The following DSCAM variants were observed in gnomAD, a reference collection of about 807,000 sequenced individuals.
The protein encoded by DSCAM is DS cell adhesion molecule.
A neutral mutation model predicts 217.7 loss-of-function variants in DSCAM; 47 were observed. The observed-to-expected ratio is 0.22, with a 90% CI of 0.17 to 0.28. DSCAM has a LOEUF of 0.28. Among genes scored for constraint, DSCAM ranks in the 10% least tolerant of loss-of-function variants. The pLI is 1.00. For synonymous variants in DSCAM, 1,056 were observed against 1,015.3 expected (o/e 1.04, Z -0.76); for missense variants, 2,080 against 2,618.3 (o/e 0.79, Z 4.49).
intron 6 of DSCAM, among the ~76,000 whole-genome samples, chr21:40,342,477 T>G (rs2074503452): frequency 6.6e-6 from 1 of 151,646 alleles, no homozygotes; most frequent in South Asian, 2.1e-4. Context: ...TTATATTCAA[T>G]TCTATACGGA....
intron 11 of DSCAM, among the ~76,000 whole-genome samples, chr21:40,198,044 A>G (rs2091032724): frequency 6.6e-6 from 1 of 152,142 alleles, no homozygotes. Flanking sequence ...GAGTCCATTT[A>G]CAGGAGACTC....
intron 6 of DSCAM, among the ~76,000 whole-genome samples, chr21:40,345,614 C>T (rs1004219945): frequency 2.0e-5 from 3 of 152,086 alleles, no homozygotes; most frequent in African/African-American, 4.8e-5. Flanking sequence ...CTCAGATTCT[C>T]CATTGTATCT....
intron 1 of DSCAM, among the ~76,000 whole-genome samples, chr21:40,832,664 T>C (rs2092021430): frequency 6.6e-6 from 1 of 152,158 alleles, no homozygotes; most frequent in Non-Finnish European, 1.5e-5. Flanking sequence ...AAACTGCACA[T>C]ATTCTACATG....
chr21:40,193,143 A>G (rs2146838846), intron 11 of DSCAM, among the ~76,000 whole-genome samples: 1 of 152,280 alleles, frequency 6.6e-6, no homozygotes, highest in East Asian at 1.9e-4. Context: ...GAGTTCAACA[A>G]TTTAAGTTCA....
chr21:40,405,840 T>C (rs2075275463), intron 3 of DSCAM, among the ~76,000 whole-genome samples: 1 of 151,888 alleles, frequency 6.6e-6, no homozygotes, highest in Non-Finnish European at 1.5e-5. Context: ...CTACTAAAAA[T>C]ACAAAATTTA....
chr21:40,203,614 T>C (rs1358796017), intron 11 of DSCAM, among the ~76,000 whole-genome samples: 8 of 152,270 alleles, frequency 5.3e-5, no homozygotes, highest in Non-Finnish European at 2.9e-5. Context: ...ATTTATGTTC[T>C]GAATCATCTA....
At chr21:40,603,284 G>C (rs2077076231) in intron 3 of DSCAM, among the ~76,000 whole-genome samples, 1 of 152,078 alleles carries the variant, frequency 6.6e-6, no homozygotes, top group Admixed American at 6.5e-5. Context: ...AATTTGTAAA[G>C]AATGTGCATT....
At chr21:40,412,842 A>AGCCC (rs1188510828) in intron 3 of DSCAM, among the ~76,000 whole-genome samples, 3 of 152,230 alleles carry the variant, frequency 2.0e-5, no homozygotes, top group Admixed American at 2.0e-4. Context: ...AGACCTCTGT[A>AGCCC]GCCCCTCCCA....
At chr21:40,598,497 G>GTTTTTTTTTT (rs71186947) in intron 3 of DSCAM, among the ~76,000 whole-genome samples, 7 of 66,814 alleles carry the variant, frequency 1.0e-4, no homozygotes, top group Non-Finnish European at 1.5e-4. Context: ...CTGCCAAACT[G>GTTTTTTTTTT]TTTTTTTTTT....
At chr21:40,647,275 G>T (rs1258791164) in intron 3 of DSCAM, among the ~76,000 whole-genome samples, 3 of 152,094 alleles carry the variant, frequency 2.0e-5, no homozygotes, top group African/African-American at 4.8e-5. Flanking sequence ...GTTCCTGTGT[G>T]GGTGAGCACT....
intron 16 of DSCAM, among the ~76,000 whole-genome samples, 187 bp downstream of exon 16, chr21:40,167,031 A>C (rs2090602653): frequency 6.6e-6 from 1 of 152,128 alleles, no homozygotes. Context: ...TGAGACACAG[A>C]ATTTGCTGTA....
At chr21:40,055,345 G>A (rs2088997663) in intron 29 of DSCAM, among the ~76,000 whole-genome samples, 1 of 152,188 alleles carries the variant, frequency 6.6e-6, no homozygotes, top group African/African-American at 2.4e-5. Context: ...GGGGCACGGA[G>A]TGGATTTTCA....
At chr21:40,710,818 A>G (rs1463137436) in intron 1 of DSCAM, among the ~76,000 whole-genome samples, 1 of 152,236 alleles carries the variant, frequency 6.6e-6, no homozygotes, top group Non-Finnish European at 1.5e-5. Flanking sequence ...ATACCTAGTT[A>G]CATATTTGTA....
At chr21:40,289,545 G>A (rs1310174395) in intron 10 of DSCAM, among the ~76,000 whole-genome samples, 1 of 152,166 alleles carries the variant, frequency 6.6e-6, no homozygotes, top group African/African-American at 2.4e-5. Context: ...TCTTAAAATA[G>A]GGGAGTATAG....
At chr21:40,707,144 T>G in intron 2 of DSCAM, among the ~76,000 whole-genome samples, 1 of 152,358 alleles carries the variant, frequency 6.6e-6, no homozygotes, top group African/African-American at 2.4e-5. Context: ...CATAATGGAT[T>G]AATACGCACA....
At chr21:40,268,113 G>A (rs1034546291) in intron 11 of DSCAM, among the ~76,000 whole-genome samples, 13 of 152,290 alleles carry the variant, frequency 8.5e-5, no homozygotes, top group African/African-American at 2.9e-4. Flanking sequence ...TCTCCAAGAC[G>A]TATGCACACC....
chr21:40,183,311 C>T (rs1207649224), intron 14 of DSCAM, among the ~76,000 whole-genome samples: 1 of 152,164 alleles, frequency 6.6e-6, no homozygotes, highest in Non-Finnish European at 1.5e-5. Context: ...AGGGGAGAAG[C>T]AGTAGTCCCT....
Position 40,292,151 on chromosome 21 carries a change from T to C in DSCAM, c.2182+3904A>G, listed in dbSNP as rs1228594902. Among the ~76,000 whole-genome samples the C allele has an allele frequency of 3.3e-5, 5 of 151,832 alleles. No homozygotes were observed. In the East Asian group the frequency reaches 9.7e-4, roughly 29 times the overall value. On this transcript the variant is annotated intron_variant, in intron 10 of 32. Transcript: ENST00000400454. ...AAAGAGAACTGAATGTCTCAGACTT[T>C]GTGTATCTAGACCCAAGGTCAAAAA...
intron 3 of DSCAM, among the ~76,000 whole-genome samples, chr21:40,378,653 G>A (rs893151967): frequency 9.9e-5 from 12 of 121,194 alleles, no homozygotes; most frequent in South Asian, 8.5e-4. Flanking sequence ...GTGCAGTGGC[G>A]CGATCTCGGC....
Sources: gnomAD v4.1 joint callset for allele counts (sites outside exome capture counted in the v4.1 genomes callset) on GRCh38, gnomAD v4.1.1 for gene constraint, MANE v1.5 for transcripts, NCBI Gene and HGNC (gene_info 2026-07-23, HGNC 2026-07-21) for gene names.